The following MYRFL variants were observed in gnomAD, a reference collection of about 807,000 sequenced individuals.
MYRFL encodes the protein myelin regulatory factor-like protein.
Under a neutral mutation model 109.4 loss-of-function variants are expected in MYRFL, and 88 were observed. The observed-to-expected ratio is 0.80, with a 90% CI of 0.68 to 0.96. The LOEUF is 0.96. Among genes scored for constraint, MYRFL ranks in the 40% least tolerant of loss-of-function variants. MYRFL has a pLI of 0.00. For missense variants in MYRFL, 957 were observed against 954.9 expected (o/e 1.00, Z -0.03); for synonymous variants, 324 against 320.9 (o/e 1.01, Z -0.10).
chr12:69,840,473 C>T (rs1214043707), intron 1 of MYRFL, among the ~76,000 whole-genome samples: 1 of 152,170 alleles, frequency 6.6e-6, no homozygotes, highest in African/African-American at 2.4e-5. Context: ...ATCAAAAGCT[C>T]CTTCCAAATG....
chr12:69,849,417 A>G (rs2136319828), intron 1 of MYRFL, among the ~76,000 whole-genome samples: 1 of 152,294 alleles, frequency 6.6e-6, no homozygotes, highest in South Asian at 2.1e-4. Context: ...TTAGGATTTG[A>G]GTATACCATT....
At chr12:69,957,473 C>A (rs190854232) in intron 22 of MYRFL, among the ~76,000 whole-genome samples, 196 of 152,250 alleles carry the variant, frequency 1.3e-3, no homozygotes, top group African/African-American at 4.6e-3. Flanking sequence ...CGTCTGTAAT[C>A]CCAGCACTTT....
intron 2 of MYRFL, among the ~76,000 whole-genome samples, chr12:69,868,402 C>T (rs973193433): frequency 5.3e-5 from 8 of 152,024 alleles, no homozygotes; most frequent in African/African-American, 1.9e-4. Flanking sequence ...CATGAGCCAC[C>T]GCGCCAGACC....
At chr12:69,885,573 C>T (rs903170418) in intron 5 of MYRFL, among the ~76,000 whole-genome samples, 1 of 152,134 alleles carries the variant, frequency 6.6e-6, no homozygotes, top group Non-Finnish European at 1.5e-5. Flanking sequence ...CTCCTGATGC[C>T]AGGCATGAGT....
intron 15 of MYRFL, among the ~76,000 whole-genome samples, 184 bp from the exon 16 acceptor site, chr12:69,932,329 G>A (rs1435925710): frequency 6.6e-6 from 1 of 152,190 alleles, no homozygotes; most frequent in East Asian, 1.9e-4. Flanking sequence ...AGGTACTTGA[G>A]ATAGACTTTG....
intron 11 of MYRFL, among the ~76,000 whole-genome samples, chr12:69,907,793 C>T (rs1397138860): frequency 6.6e-6 from 1 of 152,116 alleles, no homozygotes; most frequent in Non-Finnish European, 1.5e-5. Context: ...ATTTAAGCTC[C>T]AAAAGAGAAA....
intron 2 of MYRFL, among the ~76,000 whole-genome samples, chr12:69,874,205 T>G (rs11831157): frequency 0.062 from 9,409 of 152,218 alleles, 725 homozygotes; most frequent in African/African-American, 0.18. Flanking sequence ...TTGAAATAAC[T>G]TCTCAGCCTG....
intron 15 of MYRFL, among the ~76,000 whole-genome samples, chr12:69,929,355 T>C (rs1955198859): frequency 6.6e-6 from 1 of 151,916 alleles, no homozygotes; most frequent in Non-Finnish European, 1.5e-5. Flanking sequence ...CCAGGGAAGA[T>C]TGGAAAAAAA....
At chr12:69,875,647 G>C (rs1294713870) in intron 2 of MYRFL, among the ~76,000 whole-genome samples, 1 of 152,308 alleles carries the variant, frequency 6.6e-6, no homozygotes, top group East Asian at 1.9e-4. Flanking sequence ...ATCAGCAGCG[G>C]CATTAGAGCG....
chr12:69,849,355 C>A (rs1456330909), intron 1 of MYRFL, among the ~76,000 whole-genome samples: 1 of 152,140 alleles, frequency 6.6e-6, no homozygotes, highest in African/African-American at 2.4e-5. Context: ...CTTTGTGTTT[C>A]TTGATGATAA....
chr12:69,958,273 C>T lies in MYRFL; in HGVS notation c.2596C>T (p.Pro866Ser), dbSNP rs777398058. The change falls in exon 24 of 25, where the codon CCT becomes TCT. Residue 866 changes from proline to serine, a missense_variant. By Grantham distance (74) the Pro-to-Ser change is moderately conservative. Coordinates refer to ENST00000552032, the MANE Select transcript of MYRFL (RefSeq NM_182530.3). Reference sequence around the variant, plus strand: ...GGGATATCAGCACATTTGGAGCCTCCCTGTAGCCCCATTTTCTGACAGCAT... The same window carrying T: ...GGGATATCAGCACATTTGGAGCCTCTCTGTAGCCCCATTTTCTGACAGCAT... Reference protein sequence around the residue: ...TQGYQHIWSLPVAPFSDSMFH... With the variant: ...TQGYQHIWSLSVAPFSDSMFH... 1.2e-5 allele frequency: 18 copies of T among 1,536,468 alleles called. 1 individual carries two copies. The South Asian group carries it at 2.0e-4, about 17-fold the overall frequency.
At chr12:69,899,442 A>G (rs1295991435) in intron 10 of MYRFL, among the ~76,000 whole-genome samples, 1 of 151,650 alleles carries the variant, frequency 6.6e-6, no homozygotes, top group Non-Finnish European at 1.5e-5. Flanking sequence ...CAGACCAGCC[A>G]ACATTCTACA....
At chr12:69,925,053 A>G (rs12827246) in intron 13 of MYRFL, among the ~76,000 whole-genome samples, 11,426 of 152,284 alleles carry the variant, frequency 0.075, 614 homozygotes, top group Non-Finnish European at 0.12. Flanking sequence ...ATAACACCTG[A>G]TACAAGGCAA....
At chr12:69,890,360 T>G (rs1367633229) in intron 6 of MYRFL, among the ~76,000 whole-genome samples, 2 of 152,180 alleles carry the variant, frequency 1.3e-5, no homozygotes, top group Non-Finnish European at 2.9e-5. Flanking sequence ...TTCTATTGTG[T>G]TGTGGAGTCA....
chr12:69,886,835 G>A lies in MYRFL; in HGVS notation c.572G>A (p.Arg191His), dbSNP rs889993028. 62 of 1,535,878 alleles carry A rather than the reference G, an allele frequency of 4.0e-5. No individual in the cohort carries two copies. Among genetic ancestry groups the A allele is most frequent in the Middle Eastern group, 1.7e-4 (1 of 5,976 alleles). Residue 191 changes from arginine (R) to histidine (H), a missense_variant, in exon 6 of 25, where the codon CGC (arginine) becomes CAC (histidine). Arg to His is a conservative substitution (Grantham distance 29). Transcript: ENST00000552032. ...TTCTTTGCAGTGACAAGTAGGAGTC[G>A]CAGCAGTGAAGTCCAGGACCCTGAC... ...CHCRPMTSRSRSSEVQDPDSE... is the reference protein window; with the variant it reads ...CHCRPMTSRSHSSEVQDPDSE...
Position 69,891,032 on chromosome 12 carries a change from G to C in MYRFL, c.769G>C (p.Ala257Pro). 2 of 1,535,140 alleles carry C rather than the reference G, an allele frequency of 1.3e-6. No homozygotes were observed. Among genetic ancestry groups the C allele is most frequent in the Non-Finnish European group, 1.7e-6 (2 of 1,146,464 alleles). The change falls in exon 7 of 25, where the codon GCT becomes CCT. Residue 257 changes from alanine to proline, a missense_variant. Physicochemically the swap from Ala to Pro is conservative, Grantham distance 27. Coordinates refer to ENST00000552032, the MANE Select transcript of MYRFL (RefSeq NM_182530.3). ...ATTTAATTTTTCACCAGCAGATGAA[G>C]CTTTTGTTTGCCAAAAGAAGAATCA... ...KGFNFSPADE[A>P]FVCQKKNHFQ...
chr12:69,856,374 G>A (rs1884284880), intron 2 of MYRFL, among the ~76,000 whole-genome samples: 1 of 152,022 alleles, frequency 6.6e-6, no homozygotes, highest in Non-Finnish European at 1.5e-5. Flanking sequence ...ATTTATGTAT[G>A]GGTTTTTGTG....
At chr12:69,893,739 G>A in intron 7 of MYRFL, 25 bp from the exon 8 acceptor site, 1 of 1,308,780 alleles carries the variant, frequency 7.6e-7, no homozygotes, top group Non-Finnish European at 9.9e-7. Flanking sequence ...TAATTAATTA[G>A]TTTACTTTTT....
chr12:69,896,804 A>G (rs1471576087), intron 9 of MYRFL, among the ~76,000 whole-genome samples: 1 of 152,242 alleles, frequency 6.6e-6, no homozygotes, highest in African/African-American at 2.4e-5. Context: ...CTGAGGGCTC[A>G]GGACTGCAGC....
Sources: allele counts gnomAD v4.1 joint callset (sites outside exome capture counted in the v4.1 genomes callset), GRCh38; gene constraint gnomAD v4.1.1; transcripts MANE v1.5; gene names NCBI Gene and HGNC (gene_info 2026-07-23, HGNC 2026-07-21).